CADM2: variants seen among roughly 807,000 people sequenced by gnomAD.
The protein encoded by CADM2 is cell adhesion molecule 2, also known as immunoglobulin superfamily member 4D.
A neutral mutation model predicts 49.8 loss-of-function variants in CADM2; 12 were observed. The ratio of observed to expected loss-of-function variants is 0.24; its 90% confidence interval spans 0.15 to 0.39. The LOEUF is 0.39. Ranked by LOEUF, CADM2 falls within the 10% of genes least tolerant of loss-of-function variation. CADM2 has a pLI of 1.00. For synonymous variants in CADM2, 214 were observed against 175.4 expected (o/e 1.22, Z -1.74); for missense variants, 378 against 492.3 (o/e 0.77, Z 2.20).
chr3:85,343,639 G>T (rs1399233917), intron 1 of CADM2, among the ~76,000 whole-genome samples: 2 of 152,154 alleles, frequency 1.3e-5, no homozygotes, highest in African/African-American at 2.4e-5. Context: ...AGACTAAAAA[G>T]AAAACGAGGT....
intron 1 of CADM2, among the ~76,000 whole-genome samples, chr3:85,706,017 C>G (rs1280381672): frequency 6.6e-6 from 1 of 152,106 alleles, no homozygotes. Flanking sequence ...AAAAATGTTT[C>G]TCAAAACTAT....
At chr3:85,267,016 C>T (rs2043135294) in intron 1 of CADM2, among the ~76,000 whole-genome samples, 1 of 151,722 alleles carries the variant, frequency 6.6e-6, no homozygotes, top group African/African-American at 2.4e-5. Context: ...AGACAAAGAC[C>T]AAATGAGAAT....
chr3:85,118,318 A>G (rs1193445375), intron 1 of CADM2, among the ~76,000 whole-genome samples: 1 of 152,168 alleles, frequency 6.6e-6, no homozygotes, highest in Non-Finnish European at 1.5e-5. Flanking sequence ...AACAATGAGT[A>G]TCTTCAATCT....
intron 1 of CADM2, among the ~76,000 whole-genome samples, chr3:85,645,516 T>A (rs1434925389): frequency 1.3e-5 from 2 of 151,990 alleles, no homozygotes; most frequent in East Asian, 3.9e-4. Flanking sequence ...CTGGTCTTAT[T>A]AGTAAGGTGG....
intron 1 of CADM2, among the ~76,000 whole-genome samples, chr3:85,677,339 C>T (rs1356322025): frequency 6.6e-6 from 1 of 152,138 alleles, no homozygotes; most frequent in East Asian, 1.9e-4. Context: ...CTCACATCCT[C>T]CCTCTATAAC....
intron 1 of CADM2, among the ~76,000 whole-genome samples, chr3:85,586,040 A>G (rs1375558): frequency 0.51 from 78,028 of 151,972 alleles, 23,052 homozygotes; most frequent in East Asian, 0.85. Context: ...TTGTTCTACA[A>G]TTCAGTGTGT....
intron 1 of CADM2, among the ~76,000 whole-genome samples, chr3:85,503,887 CTG>C (rs1165796536): frequency 1.3e-5 from 2 of 152,190 alleles, no homozygotes; most frequent in African/African-American, 4.8e-5. Context: ...TTAGAGTGCA[CTG>C]TGTTAAGGCA....
At chr3:85,387,502 G>C (rs890962477) in intron 1 of CADM2, among the ~76,000 whole-genome samples, 1 of 151,984 alleles carries the variant, frequency 6.6e-6, no homozygotes, top group East Asian at 1.9e-4. Context: ...GATGTAGATA[G>C]GTCTTTTTTT....
At chr3:85,863,243 G>A (rs2075603290) in intron 3 of CADM2, among the ~76,000 whole-genome samples, 2 of 152,112 alleles carry the variant, frequency 1.3e-5, no homozygotes, top group Admixed American at 1.3e-4. Context: ...GAGGAGATGA[G>A]GAAGTTGAAA....
rs544191084 is a variant in CADM2 at position 85,642,418 on chromosome 3, A to G, written c.62-84104A>G. The stretch of plus-strand genomic sequence containing the variant: ...GGAGAAAATAATACAATGAAAAACT[A>G]AAAATGAAAGTAAATAAAAAATATT... On this transcript the variant is annotated intron_variant, in intron 1 of 9. Coordinates refer to ENST00000383699, the MANE Select transcript of CADM2 (RefSeq NM_001167675.2). Among the ~76,000 whole-genome samples the G allele has an allele frequency of 2.0e-5, 3 of 152,310 alleles. No individual in the cohort carries two copies. In the South Asian group the frequency reaches 6.2e-4, roughly 32 times the overall value.
chr3:85,640,036 C>A (rs758091192), intron 1 of CADM2, among the ~76,000 whole-genome samples: 3 of 152,160 alleles, frequency 2.0e-5, no homozygotes, highest in Non-Finnish European at 4.4e-5. Context: ...CTAAGGAGCA[C>A]CTACTGAGTG....
At chr3:85,452,635 T>C (rs1412397401) in intron 1 of CADM2, among the ~76,000 whole-genome samples, 2 of 152,114 alleles carry the variant, frequency 1.3e-5, no homozygotes, top group East Asian at 1.9e-4. Context: ...TGAAAGAGCT[T>C]TTTGCAAATT....
chr3:85,602,299 A>G (rs1330328459), intron 1 of CADM2, among the ~76,000 whole-genome samples: 1 of 151,790 alleles, frequency 6.6e-6, no homozygotes, highest in South Asian at 2.1e-4. Context: ...AAATTACCCT[A>G]GGAAATATAA....
chr3:85,117,817 CT>C (rs1443117254), intron 1 of CADM2, among the ~76,000 whole-genome samples: 1 of 151,988 alleles, frequency 6.6e-6, no homozygotes, highest in African/African-American at 2.4e-5. Flanking sequence ...TATTTTCTTC[CT>C]TTGTGTGGAG....
At chr3:86,035,449 C>G (rs746997008) in intron 8 of CADM2, among the ~76,000 whole-genome samples, 1 of 152,022 alleles carries the variant, frequency 6.6e-6, no homozygotes, top group East Asian at 1.9e-4. Context: ...CTTCAGTGAT[C>G]AGTTCTGAGA....
chr3:85,891,104 TA>T (rs1233761472), intron 5 of CADM2, among the ~76,000 whole-genome samples: 2 of 152,200 alleles, frequency 1.3e-5, no homozygotes, highest in Non-Finnish European at 2.9e-5. Context: ...ATGAGAGTTT[TA>T]CTCAGAAATC....
At chr3:85,940,089 C>T (rs746445084) in intron 7 of CADM2, among the ~76,000 whole-genome samples, 15 of 138,460 alleles carry the variant, frequency 1.1e-4, no homozygotes, top group Non-Finnish European at 4.5e-5. Flanking sequence ...GAGATGGAGG[C>T]AGGAGGATCA....
rs112781280 is a variant in CADM2, at chr3:85,119,260, G to A, written c.61+159592G>A. ...AACCCTGTCTCTACAAAAAAAATCC[G>A]GGCATTGTGACATACATGCGGACCT... On this transcript the variant is annotated intron_variant, in intron 1 of 9. Coordinates refer to ENST00000383699, the MANE Select transcript of CADM2 (RefSeq NM_001167675.2). 1.4e-3 allele frequency among the ~76,000 whole-genome samples: 214 copies of A among 152,120 alleles called. 2 individuals carry two copies. Among genetic ancestry groups the A allele is most frequent in the African/African-American group, 4.7e-3 (195 of 41,498 alleles).
At chr3:85,164,885 C>G (rs1021659337) in intron 1 of CADM2, among the ~76,000 whole-genome samples, 3 of 151,614 alleles carry the variant, frequency 2.0e-5, no homozygotes, top group Non-Finnish European at 2.9e-5. Flanking sequence ...TTTAACAAAA[C>G]AGTTTATATA....
Sources: gnomAD v4.1 joint callset for allele counts (sites outside exome capture counted in the v4.1 genomes callset) on GRCh38, gnomAD v4.1.1 for gene constraint, MANE v1.5 for transcripts, NCBI Gene and HGNC (gene_info 2026-07-23, HGNC 2026-07-21) for gene names.